SHISA6: variants seen among roughly 807,000 people sequenced by gnomAD.
SHISA6 encodes the protein shisa family member 6.
SHISA6 carries 22 observed loss-of-function variants against 47.9 expected under a neutral mutation model. The observed-to-expected ratio is 0.46, with a 90% confidence interval of 0.33 to 0.66. The LOEUF is 0.66. Among genes scored for constraint, SHISA6 ranks in the 30% least tolerant of loss-of-function variants. SHISA6 has a pLI of 0.02. For synonymous variants in SHISA6, 388 were observed against 337.8 expected, an observed-to-expected ratio of 1.15 and a Z score of -1.63; for missense variants, 680 against 764.6, an observed-to-expected ratio of 0.89 and a Z score of 1.30.
intron 3 of SHISA6, among the ~76,000 whole-genome samples, chr17:11,537,849 T>C (rs925470251): frequency 1.3e-5 from 2 of 152,194 alleles, no homozygotes; most frequent in Admixed American, 6.5e-5. Context: ...AATGTATAAA[T>C]AGTTGAGGAA....
intron 2 of SHISA6, among the ~76,000 whole-genome samples, chr17:11,361,445 T>C (rs373244050): frequency 6.6e-6 from 1 of 152,224 alleles, no homozygotes; most frequent in Non-Finnish European, 1.5e-5. Context: ...AATGGAAATA[T>C]AAAGTTAATC....
intron 3 of SHISA6, among the ~76,000 whole-genome samples, chr17:11,434,466 C>T (rs371248696): frequency 1.4e-4 from 21 of 152,158 alleles, no homozygotes; most frequent in African/African-American, 4.6e-4. Flanking sequence ...TACCAGTGCA[C>T]GCTGTCCTTG....
intron 2 of SHISA6, among the ~76,000 whole-genome samples, chr17:11,356,659 C>T (rs1392059825): frequency 6.6e-6 from 1 of 152,172 alleles, no homozygotes; most frequent in Non-Finnish European, 1.5e-5. Flanking sequence ...GAGCCGCCAA[C>T]AGGACAGCAT....
chr17:11,402,684 A>G (rs1913818801), intron 3 of SHISA6, among the ~76,000 whole-genome samples: 1 of 152,340 alleles, frequency 6.6e-6, no homozygotes, highest in South Asian at 2.1e-4. Context: ...AGCAAGTCAC[A>G]TGGACCTGCC....
chr17:11,545,536 G>A (rs1489315445), intron 3 of SHISA6, among the ~76,000 whole-genome samples: 1 of 152,152 alleles, frequency 6.6e-6, no homozygotes, highest in Non-Finnish European at 1.5e-5. Flanking sequence ...GAGAAACTGA[G>A]CAATGAGTAC....
chr17:11,259,353 C>T (rs1179167654), intron 1 of SHISA6, among the ~76,000 whole-genome samples: 1 of 152,220 alleles, frequency 6.6e-6, no homozygotes, highest in Non-Finnish European at 1.5e-5. Flanking sequence ...ACCGATGGCA[C>T]ATCCCTTGTA....
At chr17:11,422,951 C>T (rs920987693) in intron 3 of SHISA6, among the ~76,000 whole-genome samples, 3 of 150,942 alleles carry the variant, frequency 2.0e-5, no homozygotes, top group African/African-American at 4.9e-5. Context: ...TAGATTAAAA[C>T]GCATGGCTAC....
At position 11,381,631 on chromosome 17, in the gene SHISA6, A is replaced by T. The variant is rs138622502; in HGVS notation, c.895+2122A>T. Among the ~76,000 whole-genome samples, 3 of 152,320 alleles carry T rather than the reference A, an allele frequency of 2.0e-5. No individual in the cohort carries two copies. The East Asian group carries it at 5.8e-4, about 29-fold the overall frequency. Reference sequence around the variant, plus strand: ...ATCCAAGCCATAGGTGAGCCAGATCATGCATTTATCCAATAGTGGACGTTA... The same window carrying T: ...ATCCAAGCCATAGGTGAGCCAGATCTTGCATTTATCCAATAGTGGACGTTA... On this transcript the variant is annotated intron_variant, in intron 3 of 5. Coordinates refer to ENST00000441885, the MANE Select transcript of SHISA6 (RefSeq NM_207386.4).
intron 3 of SHISA6, among the ~76,000 whole-genome samples, chr17:11,446,104 G>C (rs957903355): frequency 6.6e-6 from 1 of 152,226 alleles, no homozygotes; most frequent in East Asian, 1.9e-4. Context: ...GGGATTACAG[G>C]CTTGAGCCAC....
At chr17:11,403,577 A>G (rs2142266259) in intron 3 of SHISA6, among the ~76,000 whole-genome samples, 1 of 152,318 alleles carries the variant, frequency 6.6e-6, no homozygotes, top group Admixed American at 6.5e-5. Context: ...GGGCTTGCCT[A>G]ATAGTCAAGA....
chr17:11,520,579 G>C (rs906065668), intron 3 of SHISA6, among the ~76,000 whole-genome samples: 3 of 152,068 alleles, frequency 2.0e-5, no homozygotes, highest in African/African-American at 7.2e-5. Flanking sequence ...GATCATTTCA[G>C]TGTTGCAACT....
At chr17:11,332,812 G>T (rs963685171) in intron 2 of SHISA6, among the ~76,000 whole-genome samples, 11 of 152,248 alleles carry the variant, frequency 7.2e-5, no homozygotes, top group South Asian at 6.2e-4. Context: ...ATAAATTAGT[G>T]GGGGGTTTTG....
intron 3 of SHISA6, among the ~76,000 whole-genome samples, chr17:11,492,032 G>C (rs907339308): frequency 1.3e-5 from 2 of 152,116 alleles, no homozygotes; most frequent in African/African-American, 4.8e-5. Flanking sequence ...GCCTCCCAAA[G>C]TGCTGGGATT....
At position 11,263,714 on chromosome 17, in the gene SHISA6, G is replaced by A. The variant is rs188919418; in HGVS notation, c.799+188G>A. On this transcript the variant is annotated intron_variant, in intron 2 of 5. Transcript: ENST00000441885. ...GTTTGGAATGGGCAAGACTGCTGCC[G>A]GTCAGTGTCTGGGCTGGATGAGGAC... Among the ~76,000 whole-genome samples, 34 of 152,224 alleles carry A rather than the reference G, an allele frequency of 2.2e-4. No homozygotes were observed. In the East Asian group the frequency reaches 2.5e-3, roughly 11 times the overall value.
chr17:11,447,083 G>T (rs1023843136), intron 3 of SHISA6, among the ~76,000 whole-genome samples: 4 of 152,174 alleles, frequency 2.6e-5, no homozygotes, highest in Non-Finnish European at 5.9e-5. Flanking sequence ...TTCCAAAGAA[G>T]ACAGAACCAT....
chr17:11,246,632 C>T (rs902346830), intron 1 of SHISA6, among the ~76,000 whole-genome samples: 2 of 152,086 alleles, frequency 1.3e-5, no homozygotes, highest in East Asian at 3.9e-4. Context: ...GAAAGCAATC[C>T]AGTGAGAGGT....
chr17:11,507,445 C>G (rs2071508681), intron 3 of SHISA6, among the ~76,000 whole-genome samples: 1 of 152,212 alleles, frequency 6.6e-6, no homozygotes, highest in Non-Finnish European at 1.5e-5. Context: ...TCTCATCCTT[C>G]ATGAACCACC....
intron 3 of SHISA6, among the ~76,000 whole-genome samples, chr17:11,415,678 A>G (rs1164712343): frequency 2.0e-5 from 3 of 152,256 alleles, no homozygotes; most frequent in African/African-American, 7.2e-5. Flanking sequence ...CTATTAAACT[A>G]CATTGATAGG....
chr17:11,477,493 T>A lies in SHISA6; in HGVS notation c.896-74403T>A, dbSNP rs534205863. On this transcript the variant is annotated intron_variant, in intron 3 of 5. Transcript: ENST00000441885. ...TGCAGGTTAGTTACATATGTATACATGTGCCATGCTGCTGTGCTGCACCCA... is the reference window on the plus strand; with the variant it reads ...TGCAGGTTAGTTACATATGTATACAAGTGCCATGCTGCTGTGCTGCACCCA... Among the ~76,000 whole-genome samples the A allele has an allele frequency of 1.4e-4, 21 of 152,136 alleles. No individual in the cohort carries two copies. In the South Asian group the frequency reaches 4.4e-3, roughly 32 times the overall value.
Sources: gnomAD v4.1 joint callset for allele counts (sites outside exome capture counted in the v4.1 genomes callset) on GRCh38, gnomAD v4.1.1 for gene constraint, MANE v1.5 for transcripts, NCBI Gene and HGNC (gene_info 2026-07-23, HGNC 2026-07-21) for gene names.